The following NCAPD3 variants were observed in gnomAD, a reference collection of about 807,000 sequenced individuals.
NCAPD3 encodes the protein condensin-2 complex subunit D3.
A neutral mutation model predicts 182.9 loss-of-function variants in NCAPD3; 105 were observed. That is an observed-to-expected ratio of 0.57 (90% CI 0.49 to 0.68). The LOEUF (loss-of-function observed/expected upper bound fraction) is 0.68, where lower values mean the gene tolerates loss of function less well. NCAPD3 is among the 30% of genes least tolerant of loss of function. The pLI is 0.00. For synonymous variants in NCAPD3, 815 were observed against 679.9 expected (o/e 1.20, Z -3.09); for missense variants, 1,944 against 1,837.0 (o/e 1.06, Z -1.07).
chr11:134,218,833 C>T (rs1301896228), intron 2 of NCAPD3, among the ~76,000 whole-genome samples: 1 of 152,194 alleles, frequency 6.6e-6, no homozygotes, highest in Non-Finnish European at 1.5e-5. Flanking sequence ...CCAATACAGT[C>T]TCCCAAGGGC....
chr11:134,200,702 G>A (rs767581921), intron 13 of NCAPD3, among the ~76,000 whole-genome samples: 7 of 152,122 alleles, frequency 4.6e-5, no homozygotes, highest in Non-Finnish European at 8.8e-5. Flanking sequence ...GTTACCATAC[G>A]ACCCAGCAGT....
chr11:134,169,153 T>G, intron 24 of NCAPD3, 99 bp from the exon 25 acceptor site: 2 of 1,216,142 alleles, frequency 1.6e-6, no homozygotes, highest in Non-Finnish European at 2.2e-6. Context: ...GAGCTGTACA[T>G]AAGCGTAGGG....
At chr11:134,162,576 G>C (rs187563813) in intron 27 of NCAPD3, among the ~76,000 whole-genome samples, 1 of 152,086 alleles carries the variant, frequency 6.6e-6, no homozygotes, top group African/African-American at 2.4e-5. Flanking sequence ...CTCATTTAAA[G>C]TCACTAGTGT....
At chr11:134,189,033 T>C (rs932442063) in intron 16 of NCAPD3, among the ~76,000 whole-genome samples, 3 of 152,298 alleles carry the variant, frequency 2.0e-5, no homozygotes, top group Non-Finnish European at 4.4e-5. Flanking sequence ...TGTTTTGTTA[T>C]GGTGGCCCTG....
chr11:134,152,855 G>T lies in NCAPD3; in HGVS notation c.*89C>A, dbSNP rs907865637. On this transcript the variant is annotated 3_prime_UTR_variant, in exon 35 of 35. Transcript: ENST00000534548. Reference sequence around the variant, plus strand: ...CAGCAAAGCGCTGCCCAAGGACTGCGGGAAGTGATCCAGCTGCCTTCACAC... The same window carrying T: ...CAGCAAAGCGCTGCCCAAGGACTGCTGGAAGTGATCCAGCTGCCTTCACAC... 1 of 1,065,084 alleles carries T rather than the reference G, an allele frequency of 9.4e-7. No individual in the cohort carries two copies. Among genetic ancestry groups the T allele is most frequent in the Non-Finnish European group, 1.4e-6 (1 of 727,228 alleles). The allele number at this position is 1,065,084 out of a possible 1,614,324, so 66.0% of individuals were successfully genotyped here.
intron 28 of NCAPD3, among the ~76,000 whole-genome samples, chr11:134,160,882 G>C (rs1943558002): frequency 6.6e-6 from 1 of 151,860 alleles, no homozygotes; most frequent in South Asian, 2.1e-4. Flanking sequence ...GTGCTCACAA[G>C]CAGGAGGAAG....
chr11:134,205,371 A>G (rs971860921), intron 8 of NCAPD3, among the ~76,000 whole-genome samples: 3 of 152,026 alleles, frequency 2.0e-5, no homozygotes, highest in Non-Finnish European at 4.4e-5. Flanking sequence ...CTTTAACCCA[A>G]TAAGAAATTT....
intron 31 of NCAPD3, 149 bp downstream of exon 31, chr11:134,157,779 T>G: frequency 7.6e-6 from 7 of 922,400 alleles, no homozygotes; most frequent in Admixed American, 4.7e-5. Context: ...ATATGCATTG[T>G]TTTACTACCC....
chr11:134,182,274 A>G (rs1247420781), intron 19 of NCAPD3, among the ~76,000 whole-genome samples: 3 of 152,230 alleles, frequency 2.0e-5, no homozygotes, highest in Non-Finnish European at 4.4e-5. Flanking sequence ...AATACCTCCA[A>G]TAACAGGGGA....
At chr11:134,164,666 T>C (rs1276485064) in intron 27 of NCAPD3, among the ~76,000 whole-genome samples, 3 of 146,542 alleles carry the variant, frequency 2.0e-5, no homozygotes, top group Admixed American at 2.0e-4. Flanking sequence ...GACATGAGCT[T>C]GGGGGAGCTG....
Position 134,150,543 on chromosome 11 carries a change from G to T in NCAPD3, c.*2401C>A, listed in dbSNP as rs1943188946. 6.6e-6 allele frequency: 1 copy of T among 152,066 alleles called. No homozygotes were observed. The highest frequency in any genetic ancestry group is 2.4e-5 in the African/African-American group (1 of 41,316). 9.4% of individuals were successfully genotyped at this position (152,066 alleles called of 1,614,324 possible). ...CACAGCTCTCAGGTGGGCACTGCAG[G>T]GACACTGGTGTCTTCCATGTAGCGT... is the stretch of plus-strand genomic sequence containing the variant. On this transcript the variant is annotated 3_prime_UTR_variant, in exon 35 of 35. Transcript: ENST00000534548.
chr11:134,202,544 AT>A (rs1381867276), intron 13 of NCAPD3, among the ~76,000 whole-genome samples: 1 of 151,636 alleles, frequency 6.6e-6, no homozygotes, highest in Non-Finnish European at 1.5e-5. Flanking sequence ...CGCCCAGCTG[AT>A]TTTTATATAT....
At chr11:134,212,375 T>TTGTGTGTGTG (rs56807520) in intron 3 of NCAPD3, among the ~76,000 whole-genome samples, 8,063 of 143,202 alleles carry the variant, frequency 0.056, 620 homozygotes, top group African/African-American at 0.17. Context: ...TTTTGTTGTT[T>TTGTGTGTGTG]TGTGTGTGTG....
intron 11 of NCAPD3, 100 bp downstream of exon 11, chr11:134,203,554 C>A: frequency 6.9e-7 from 1 of 1,442,488 alleles, no homozygotes; most frequent in South Asian, 1.3e-5. Context: ...TAGATCATGC[C>A]ATACCTATTA....
At chr11:134,201,802 C>T (rs960335394) in intron 13 of NCAPD3, among the ~76,000 whole-genome samples, 1 of 152,226 alleles carries the variant, frequency 6.6e-6, no homozygotes, top group Non-Finnish European at 1.5e-5. Context: ...TTCCAGAGTA[C>T]ATTTTCCTAC....
rs1241996901 is a variant in NCAPD3 at position 134,168,929 on chromosome 11, G to T, written c.3227C>A (p.Pro1076His). 1 of 1,613,074 alleles carries T rather than the reference G, an allele frequency of 6.2e-7. No individual in the cohort carries two copies. The highest frequency in any genetic ancestry group is 1.3e-5 in the African/African-American group (1 of 74,884). Reference protein sequence around the residue: ...YEKHEKYNKFPQSEREKRLFS... With the variant: ...YEKHEKYNKFHQSEREKRLFS... Reference sequence around the variant, plus strand: ...CTGCTTCACTGACCTCTCTGACTGGGGGAACTTGTTGTACTTCTCATGCTT... The same window carrying T: ...CTGCTTCACTGACCTCTCTGACTGGTGGAACTTGTTGTACTTCTCATGCTT... Residue 1076 changes from proline to histidine, a missense_variant, in exon 25 of 35, where the codon CCC becomes CAC. Physicochemically the swap from Pro to His is moderately conservative, Grantham distance 77. Transcript: ENST00000534548.
chr11:134,210,438 T>G lies in NCAPD3; in HGVS notation c.399A>C (p.Gln133His), dbSNP rs755076357. 1 of 1,613,900 alleles carries G rather than the reference T, an allele frequency of 6.2e-7. No homozygotes were observed. Among genetic ancestry groups the G allele is most frequent in the African/African-American group, 1.3e-5 (1 of 74,928 alleles). Residue 133 changes from glutamine to histidine, a missense_variant, in exon 4 of 35, where the codon CAA (glutamine) becomes CAC (histidine). Physicochemically the swap from Gln to His is conservative, Grantham distance 24 (BLOSUM62 0). Transcript: ENST00000534548. ...LLEVPGSVAN[Q>H]VFHPVMFDKC... ...TGTCAAACATCACTGGGTGGAATAC[T>G]TGATTGGCTACACTGCCTATTCATG...
chr11:134,164,689 T>C (rs1169418036), intron 27 of NCAPD3, among the ~76,000 whole-genome samples: 1 of 146,580 alleles, frequency 6.8e-6, no homozygotes, highest in African/African-American at 2.6e-5. Context: ...CACTCACTTG[T>C]AAAATAAGCT....
At chr11:134,179,160 G>C (rs145058985) in intron 20 of NCAPD3, among the ~76,000 whole-genome samples, 6 of 152,040 alleles carry the variant, frequency 3.9e-5, no homozygotes, top group African/African-American at 1.2e-4. Context: ...TCTAAATCTA[G>C]ACACATCTGC....
Sources: allele counts gnomAD v4.1 joint callset (sites outside exome capture counted in the v4.1 genomes callset), GRCh38; gene constraint gnomAD v4.1.1; transcripts MANE v1.5; gene names NCBI Gene and HGNC (gene_info 2026-07-23, HGNC 2026-07-21).